DAB1: variants seen among roughly 807,000 people sequenced by gnomAD.
The protein encoded by DAB1 is disabled homolog 1.
Under a neutral mutation model 64.6 loss-of-function variants are expected in DAB1, and 15 were observed. That is an observed-to-expected ratio of 0.23 (90% CI 0.16 to 0.36). The LOEUF is 0.36. DAB1 is among the 10% of genes least tolerant of loss of function. The pLI is 1.00. For synonymous variants in DAB1, 235 were observed against 251.9 expected (o/e 0.93, Z 0.64); for missense variants, 596 against 706.7 (o/e 0.84, Z 1.78).
Position 57,633,354 on chromosome 1 carries a change from G to A in DAB1, n.625+16238C>T, listed in dbSNP as rs575112783. On this transcript the variant is annotated intron_variant and non_coding_transcript_variant, in intron 7 of 20. Coordinates refer to the DAB1 transcript ENST00000485760. ...CAGGGTTTCTGATTAAGTGGCTTCG[G>A]GATGAAGCCTGAGTTTCTTTATTTC... Among the ~76,000 whole-genome samples, 14 of 152,378 alleles carry A rather than the reference G, an allele frequency of 9.2e-5. 1 individual carries two copies. Among genetic ancestry groups the A allele is most frequent in the African/African-American group, 3.4e-4 (14 of 41,598 alleles).
chr1:58,300,983 T>C (rs1662156800), intron 4 of DAB1, among the ~76,000 whole-genome samples: 1 of 151,980 alleles, frequency 6.6e-6, no homozygotes, highest in Admixed American at 6.6e-5. Flanking sequence ...GTCCTGGAGA[T>C]GGTGAGGTAG....
At chr1:58,233,107 C>T (rs573518563) in intron 4 of DAB1, among the ~76,000 whole-genome samples, 5 of 152,218 alleles carry the variant, frequency 3.3e-5, no homozygotes, top group South Asian at 2.1e-4. Context: ...TGTGCCAATG[C>T]TTATATGCTT....
At chr1:58,321,970 C>G (rs1264874443) in intron 4 of DAB1, among the ~76,000 whole-genome samples, 1 of 152,214 alleles carries the variant, frequency 6.6e-6, no homozygotes, top group African/African-American at 2.4e-5. Context: ...CAAGTAGGTC[C>G]CTGACCCCTG....
At chr1:58,491,370 A>C (rs537648964) in intron 3 of DAB1, among the ~76,000 whole-genome samples, 64 of 152,310 alleles carry the variant, frequency 4.2e-4, no homozygotes, top group South Asian at 2.7e-3. Flanking sequence ...CGAGCAAAAT[A>C]ACCAGCTAAC....
chr1:57,155,734 T>A (rs1232946724), intron 2 of DAB1, among the ~76,000 whole-genome samples: 1 of 149,740 alleles, frequency 6.7e-6, no homozygotes, highest in Non-Finnish European at 1.5e-5. Flanking sequence ...GTTTTACAGT[T>A]TTCAATACAG....
At chr1:57,075,588 A>G (rs1047632518) in intron 4 of DAB1, among the ~76,000 whole-genome samples, 2 of 152,198 alleles carry the variant, frequency 1.3e-5, no homozygotes, top group East Asian at 3.9e-4. Flanking sequence ...GCATTATCAC[A>G]TTCGCTTTAG....
rs548280743 is a variant in DAB1 at position 57,688,303 on chromosome 1, AT to A, written n.552-38639del. Among the ~76,000 whole-genome samples the A allele has an allele frequency of 7.0e-4, 107 of 152,260 alleles. 1 individual carries two copies. Among genetic ancestry groups the A allele is most frequent in the South Asian group, 4.2e-3 (20 of 4,818 alleles). On this transcript the variant is annotated intron_variant and non_coding_transcript_variant, in intron 6 of 20. Transcript: ENST00000485760. ...GAAGACATGCAAGCAGCCAACAAACATTTTAAAAAAATGCTCATCATCACTA... is the reference window on the plus strand; with the variant it reads ...GAAGACATGCAAGCAGCCAACAAACATTTAAAAAAATGCTCATCATCACTA...
At chr1:57,959,760 C>G (rs1224617929) in intron 5 of DAB1, among the ~76,000 whole-genome samples, 1 of 152,190 alleles carries the variant, frequency 6.6e-6, no homozygotes, top group Non-Finnish European at 1.5e-5. Context: ...TCAACACATT[C>G]AGGCTGGGAT....
intron 4 of DAB1, among the ~76,000 whole-genome samples, chr1:57,130,772 G>C (rs2100780175): frequency 6.6e-6 from 1 of 152,198 alleles, no homozygotes; most frequent in Non-Finnish European, 1.5e-5. Flanking sequence ...GTTAGTAAAT[G>C]GGTATAAAAT....
At chr1:57,894,018 G>A (rs1301425078) in intron 5 of DAB1, among the ~76,000 whole-genome samples, 3 of 152,098 alleles carry the variant, frequency 2.0e-5, no homozygotes, top group African/African-American at 4.8e-5. Flanking sequence ...AACACACTGT[G>A]CATGCTCTCC....
chr1:58,285,292 A>G (rs2100444031), intron 4 of DAB1, among the ~76,000 whole-genome samples: 1 of 152,332 alleles, frequency 6.6e-6, no homozygotes, highest in South Asian at 2.1e-4. Context: ...TAGTATTGGA[A>G]GTTCTGGCCA....
At chr1:58,334,046 T>G (rs1309997012) in intron 4 of DAB1, among the ~76,000 whole-genome samples, 1 of 152,168 alleles carries the variant, frequency 6.6e-6, no homozygotes, top group Non-Finnish European at 1.5e-5. Flanking sequence ...TCTCAACCTA[T>G]TGCCATGTGA....
intron 1 of DAB1, chr1:57,862,622 T>C (rs973847458): frequency 6.6e-6 from 1 of 152,198 alleles, no homozygotes; most frequent in Non-Finnish European, 1.5e-5. Flanking sequence ...TAAAATAAGA[T>C]AACTCCTTAA....
At chr1:58,506,112 G>C (rs1557445022) in exon 3 of DAB1, 1 of 872,434 alleles carries the variant, frequency 1.1e-6, no homozygotes, top group Non-Finnish European at 2.0e-6. Context: ...AGAAGGGTGT[G>C]TAGATAACCA....
At chr1:57,364,559 A>G (rs1679814773) in intron 1 of DAB1, among the ~76,000 whole-genome samples, 1 of 152,166 alleles carries the variant, frequency 6.6e-6, no homozygotes, top group Non-Finnish European at 1.5e-5. Flanking sequence ...CTTAGCATAT[A>G]TTAACATATT....
At chr1:57,087,595 C>T (rs1339479306) in intron 4 of DAB1, among the ~76,000 whole-genome samples, 4 of 152,074 alleles carry the variant, frequency 2.6e-5, no homozygotes, top group Non-Finnish European at 5.9e-5. Flanking sequence ...TCTCTGCAAT[C>T]GGAAGGAGAG....
At chr1:58,407,042 A>G (rs946934158) in intron 3 of DAB1, among the ~76,000 whole-genome samples, 1 of 152,170 alleles carries the variant, frequency 6.6e-6, no homozygotes, top group African/African-American at 2.4e-5. Context: ...CTGTTATTAT[A>G]TATTTCTGGT....
intron 7 of DAB1, among the ~76,000 whole-genome samples, chr1:57,443,262 T>C (rs531315156): frequency 2.0e-5 from 3 of 152,214 alleles, no homozygotes; most frequent in South Asian, 4.2e-4. Flanking sequence ...GTGTTTGTAG[T>C]AGGAAGCCCC....
chr1:57,001,250 C>T (rs1645853891), intron 14 of DAB1, among the ~76,000 whole-genome samples: 1 of 152,184 alleles, frequency 6.6e-6, no homozygotes. Context: ...TTCCAAAAGC[C>T]TAAATGGAAT....
Sources: allele counts gnomAD v4.1 joint callset (sites outside exome capture counted in the v4.1 genomes callset), GRCh38; gene constraint gnomAD v4.1.1; transcripts MANE v1.5; gene names NCBI Gene and HGNC (gene_info 2026-07-23, HGNC 2026-07-21).